RAI1: variants seen among roughly 807,000 people sequenced by gnomAD.
RAI1 encodes the protein retinoic acid induced 1.
Under a neutral mutation model 123.8 loss-of-function variants are expected in RAI1, and 9 were observed. The observed-to-expected ratio is 0.07, with a 90% CI of 0.04 to 0.13. The LOEUF is 0.13. Ranked by LOEUF, RAI1 falls within the 10% of genes least tolerant of loss-of-function variation. The pLI, the probability that RAI1 is intolerant of heterozygous loss-of-function variation, is 1.00. For synonymous variants in RAI1, 1,231 were observed against 1,127.3 expected, an observed-to-expected ratio of 1.09 and a Z score of -1.84; for missense variants, 2,256 against 2,545.8, an observed-to-expected ratio of 0.89 and a Z score of 2.45.
rs117434165 is a variant in RAI1 at position 17,798,990 on chromosome 17, C to T, written c.5565+477C>T. Among the ~76,000 whole-genome samples the T allele has an allele frequency of 4.2e-4, 64 of 152,182 alleles. No homozygotes were observed. In the East Asian group the frequency reaches 5.8e-3, roughly 14 times the overall value. On this transcript the variant is annotated intron_variant, in intron 3 of 5. Coordinates refer to ENST00000353383, the MANE Select transcript of RAI1 (RefSeq NM_030665.4). ...AAGGGCTCAGGAAGACCCTCTCTGG[C>T]GACACAGGCTTGGTGCATGGACCCA...
chr17:17,707,884 G>A (rs1029456154), intron 1 of RAI1, among the ~76,000 whole-genome samples: 7 of 152,180 alleles, frequency 4.6e-5, no homozygotes, highest in Admixed American at 2.0e-4. Flanking sequence ...GTGAGCCACC[G>A]TGCAGGCCAG....
At chr17:17,764,129 C>T (rs992211856) in intron 2 of RAI1, among the ~76,000 whole-genome samples, 3 of 152,170 alleles carry the variant, frequency 2.0e-5, no homozygotes, top group African/African-American at 4.8e-5. Context: ...GTGGTGGTGC[C>T]GACACTGACC....
chr17:17,769,765 G>A (rs1232684916), intron 2 of RAI1, among the ~76,000 whole-genome samples: 1 of 152,194 alleles, frequency 6.6e-6, no homozygotes, highest in Non-Finnish European at 1.5e-5. Context: ...GGGGCGAGGA[G>A]GCCTAAGGAC....
chr17:17,739,667 G>T (rs1010546147), intron 2 of RAI1, among the ~76,000 whole-genome samples: 2 of 152,180 alleles, frequency 1.3e-5, no homozygotes, highest in Non-Finnish European at 2.9e-5. Context: ...CTGACCTCTG[G>T]CTGCCCCACA....
At chr17:17,782,410 T>TCCG (rs2031620392) in intron 2 of RAI1, among the ~76,000 whole-genome samples, 2 of 151,548 alleles carry the variant, frequency 1.3e-5, no homozygotes, top group East Asian at 2.0e-4. Context: ...TTCCCCCTCC[T>TCCG]CCGCCGGGCG....
At chr17:17,787,747 T>A (rs2143000381) in intron 2 of RAI1, among the ~76,000 whole-genome samples, 1 of 152,086 alleles carries the variant, frequency 6.6e-6, no homozygotes, top group East Asian at 1.9e-4. Context: ...AGCTTTAGAG[T>A]TAGGGGACCT....
intron 1 of RAI1, among the ~76,000 whole-genome samples, chr17:17,723,104 A>ATGTG (rs1915940907): frequency 1.3e-5 from 2 of 151,710 alleles, no homozygotes; most frequent in Non-Finnish European, 2.9e-5. Flanking sequence ...CCACACACCC[A>ATGTG]CCAGCCCACT....
intron 2 of RAI1, among the ~76,000 whole-genome samples, chr17:17,784,206 C>T (rs117245196): frequency 1.4e-4 from 22 of 152,254 alleles, no homozygotes; most frequent in Non-Finnish European, 1.8e-4. Context: ...GGTGCCAATT[C>T]CCCGCTCCCC....
Position 17,795,834 on chromosome 17 carries a change from A to G in RAI1, c.2886A>G (p.Pro962=). ...AGGGGCCTGATGGGGAGCGAGCTCC[A>G]GGGGATTCCACCACCTCGGACGCCT... ...GEEGPDGERA[P]GDSTTSDASL... The change falls in exon 3 of 6, where the codon CCA becomes CCG. Residue 962 remains proline (P), a synonymous_variant. Coordinates refer to ENST00000353383, the MANE Select transcript of RAI1 (RefSeq NM_030665.4). This position sits in a 1 kb window ranked among gnomAD's most constrained non-coding sequence, Gnocchi z 5.9. 6.2e-7 allele frequency: 1 copy of G among 1,613,466 alleles called. No homozygotes were observed. The highest frequency in any genetic ancestry group is 1.1e-5 in the South Asian group (1 of 91,090).
intron 3 of RAI1, among the ~76,000 whole-genome samples, chr17:17,802,699 C>T (rs949649089): frequency 6.6e-6 from 1 of 151,480 alleles, no homozygotes; most frequent in Non-Finnish European, 1.5e-5. Context: ...TGGCGTGAAC[C>T]CGGGAGGCGG....
intron 1 of RAI1, among the ~76,000 whole-genome samples, chr17:17,700,649 G>A (rs1445508552): frequency 6.6e-6 from 1 of 152,148 alleles, no homozygotes; most frequent in Non-Finnish European, 1.5e-5. Flanking sequence ...TGGGAGAGAA[G>A]AGGAGAGCAG....
chr17:17,686,854 G>A (rs1007821756), intron 1 of RAI1, among the ~76,000 whole-genome samples: 5 of 152,028 alleles, frequency 3.3e-5, no homozygotes, highest in Non-Finnish European at 7.4e-5. Flanking sequence ...GCCTTCCTTC[G>A]TCTGTCCAGC....
intron 2 of RAI1, among the ~76,000 whole-genome samples, chr17:17,787,768 G>A (rs1230837201): frequency 6.6e-6 from 1 of 152,218 alleles, no homozygotes; most frequent in Non-Finnish European, 1.5e-5. Flanking sequence ...GGGCACCTAG[G>A]CAGGGGGCCT....
In RAI1 at chr17:17,685,795, C is replaced by T. The variant is rs1489431090; in HGVS notation, c.-149+4002C>T. 1.3e-5 allele frequency among the ~76,000 whole-genome samples: 2 copies of T among 152,180 alleles called. No individual in the cohort carries two copies. The highest frequency in any genetic ancestry group is 2.9e-5 in the Non-Finnish European group (2 of 68,020). On this transcript the variant is annotated intron_variant, in intron 1 of 5. Transcript: ENST00000353383. This position sits in a 1 kb window ranked among gnomAD's most constrained non-coding sequence, Gnocchi z 4.0. ...CAGGGCCATTTCTGGTGTCCTCTGC[C>T]TGCCCTGTCCTCATTCAGTCCTGTC...
chr17:17,770,387 G>A (rs1287554526), intron 2 of RAI1, among the ~76,000 whole-genome samples: 2 of 152,200 alleles, frequency 1.3e-5, no homozygotes, highest in Non-Finnish European at 2.9e-5. Flanking sequence ...GCAGGGAGAC[G>A]GCTCAGCCTG....
chr17:17,795,317 G>T lies in RAI1; in HGVS notation c.2369G>T (p.Cys790Phe). ...SKGDTHEASA[C>F]LGFQEEDPPG... ...GGGGACACCCATGAGGCTTCGGCCT[G>T]CCTGGGCTTCCAGGAGGAGGACCCC... is the stretch of plus-strand genomic sequence containing the variant. Residue 790 changes from cysteine (C) to phenylalanine (F), a missense_variant, in exon 3 of 6, where the codon TGC (cysteine) becomes TTC (phenylalanine). Cys to Phe is a radical substitution (Grantham distance 205, BLOSUM62 -2). This residue lies in a region of RAI1 where 566 missense variants were observed against 616.0 expected (regional missense o/e 0.92). Coordinates refer to ENST00000353383, the MANE Select transcript of RAI1 (RefSeq NM_030665.4). This position sits in a 1 kb window ranked among gnomAD's most constrained non-coding sequence, Gnocchi z 5.9. The T allele has an allele frequency of 6.2e-7, 1 of 1,605,296 alleles. No individual in the cohort carries two copies.
intron 4 of RAI1, among the ~76,000 whole-genome samples, chr17:17,806,802 C>T (rs147177924): frequency 8.5e-5 from 13 of 152,294 alleles, no homozygotes; most frequent in Non-Finnish European, 1.6e-4. Context: ...TGGACTTTAC[C>T]ACGTTCTGTT....
chr17:17,699,490 G>A (rs769901287), intron 1 of RAI1, among the ~76,000 whole-genome samples: 5 of 152,296 alleles, frequency 3.3e-5, no homozygotes, highest in Non-Finnish European at 7.3e-5. Context: ...TCATTCATTT[G>A]CTTGACTAGT....
At chr17:17,732,765 G>T (rs1281029956) in intron 2 of RAI1, among the ~76,000 whole-genome samples, 2 of 152,170 alleles carry the variant, frequency 1.3e-5, no homozygotes, top group African/African-American at 4.8e-5. Flanking sequence ...CAGTCCTGCT[G>T]CCCAGCTTGT....
Sources: allele counts gnomAD v4.1 joint callset (sites outside exome capture counted in the v4.1 genomes callset), GRCh38; gene constraint gnomAD v4.1.1; regional missense constraint gnomAD v4.1.1; non-coding constraint Gnocchi (gnomAD v3.1); transcripts MANE v1.5; gene names NCBI Gene and HGNC (gene_info 2026-07-23, HGNC 2026-07-21).